Variants in CSMD1 observed in about 807,000 individuals in gnomAD.
CSMD1 encodes CUB and sushi domain-containing protein 1.
CSMD1 carries 213 observed loss-of-function variants against 417.5 expected under a neutral mutation model. The observed-to-expected ratio is 0.51, with a 90% confidence interval of 0.46 to 0.57. The LOEUF is 0.57. Ranked by LOEUF, CSMD1 falls within the 20% of genes least tolerant of loss-of-function variation. The pLI is 0.00. For missense variants in CSMD1, 6,923 were observed against 4,529.7 expected (o/e 1.53, Z -15.17); for synonymous variants, 2,862 against 1,736.8 (o/e 1.65, Z -16.11).
At chr8:4,019,257 A>C (rs1796669495) in intron 4 of CSMD1, among the ~76,000 whole-genome samples, 1 of 152,202 alleles carries the variant, frequency 6.6e-6, no homozygotes, top group Admixed American at 6.5e-5. Context: ...TCTCTCTTAC[A>C]GACTAAGAGT....
At chr8:4,307,649 G>A (rs976965835) in intron 3 of CSMD1, among the ~76,000 whole-genome samples, 1 of 152,120 alleles carries the variant, frequency 6.6e-6, no homozygotes, top group Non-Finnish European at 1.5e-5. Context: ...TCTCAAGGAC[G>A]ATGGGAAATG....
intron 3 of CSMD1, among the ~76,000 whole-genome samples, chr8:4,085,895 G>C (rs182418660): frequency 6.6e-6 from 1 of 152,164 alleles, no homozygotes; most frequent in East Asian, 1.9e-4. Context: ...CTCTAGTTTT[G>C]TGAGATGTTA....
chr8:3,281,235 G>A (rs1802712434), intron 26 of CSMD1, among the ~76,000 whole-genome samples: 3 of 152,134 alleles, frequency 2.0e-5, no homozygotes, highest in African/African-American at 7.2e-5. Flanking sequence ...CTGAGGTAAG[G>A]AGTTTGACAC....
chr8:3,435,179 G>T (rs913927028), intron 12 of CSMD1, among the ~76,000 whole-genome samples: 1 of 152,122 alleles, frequency 6.6e-6, no homozygotes, highest in Admixed American at 6.5e-5. Context: ...GAAGTCAGAG[G>T]GCAAAAAAGC....
At chr8:4,585,891 T>A (rs1436763242) in intron 2 of CSMD1, among the ~76,000 whole-genome samples, 1 of 152,170 alleles carries the variant, frequency 6.6e-6, no homozygotes, top group Non-Finnish European at 1.5e-5. Flanking sequence ...TAAACAGCAA[T>A]ACAAAATGTA....
intron 7 of CSMD1, among the ~76,000 whole-genome samples, chr8:3,623,259 T>C (rs914248440): frequency 6.6e-6 from 1 of 152,238 alleles, no homozygotes; most frequent in Non-Finnish European, 1.5e-5. Context: ...CAAAACCTTG[T>C]GACTCTGCAG....
intron 10 of CSMD1, among the ~76,000 whole-genome samples, chr8:3,523,795 A>ACACACACATGCT (rs1797622026): frequency 1.3e-5 from 2 of 151,822 alleles, no homozygotes; most frequent in African/African-American, 4.8e-5. Context: ...AGACATATGC[A>ACACACACATGCT]CACATGTGCA....
rs1796906527 is a variant in CSMD1, at chr8:4,023,717, G to A, written c.610+8188C>T. Among the ~76,000 whole-genome samples, 3 of 146,384 alleles carry A rather than the reference G, an allele frequency of 2.0e-5. No homozygotes were observed. In the South Asian group the frequency reaches 6.6e-4, roughly 32 times the overall value. ...TTCTCCTGCCTCAGCCTCCCGAGTAGCTGGGACTACAAGCGCCCACCGCTA... is the reference window on the plus strand; with the variant it reads ...TTCTCCTGCCTCAGCCTCCCGAGTAACTGGGACTACAAGCGCCCACCGCTA... On this transcript the variant is annotated intron_variant, in intron 4 of 69. Coordinates refer to ENST00000635120, the MANE Select transcript of CSMD1 (RefSeq NM_033225.6).
rs559619466 is a variant in CSMD1, at chr8:4,266,273, T to C, written c.415+153680A>G. Among the ~76,000 whole-genome samples, 520 of 105,150 alleles carry C rather than the reference T, an allele frequency of 4.9e-3. 74 individuals are homozygous for C. Among genetic ancestry groups the C allele is most frequent in the African/African-American group, 0.013 (498 of 38,500 alleles). The allele number at this position is 105,150 out of a possible 152,430, so 69.0% of individuals were successfully genotyped here. Reference sequence around the variant, plus strand: ...TTTAAAAATTTAATACCAAAGAAAATTTTATAAATTTTTGTTTTCTATGTA... The same window carrying C: ...TTTAAAAATTTAATACCAAAGAAAACTTTATAAATTTTTGTTTTCTATGTA... On this transcript the variant is annotated intron_variant, in intron 3 of 69. Transcript: ENST00000635120.
intron 3 of CSMD1, among the ~76,000 whole-genome samples, chr8:4,194,814 C>G (rs1018824989): frequency 1.3e-5 from 2 of 151,678 alleles, no homozygotes; most frequent in Non-Finnish European, 2.9e-5. Flanking sequence ...ACTATGAGTT[C>G]TGCAAAGAAA....
intron 5 of CSMD1, among the ~76,000 whole-genome samples, chr8:3,953,748 C>G (rs932716229): frequency 1.3e-5 from 2 of 152,120 alleles, no homozygotes; most frequent in African/African-American, 2.4e-5. Context: ...AGCCCCTGAG[C>G]TGCTCCACGT....
At chr8:4,501,650 C>T (rs1170550905) in intron 2 of CSMD1, among the ~76,000 whole-genome samples, 1 of 152,158 alleles carries the variant, frequency 6.6e-6, no homozygotes, top group Non-Finnish European at 1.5e-5. Flanking sequence ...CGCCATCCCA[C>T]TCCATCCCAG....
chr8:3,343,484 C>A (rs1366002931), intron 22 of CSMD1, 34 bp from the exon 23 acceptor site: 2 of 1,585,776 alleles, frequency 1.3e-6, no homozygotes, highest in Non-Finnish European at 1.7e-6. Flanking sequence ...TCCCTCTATG[C>A]CTTCACTGGA....
Position 4,260,001 on chromosome 8 carries a change from A to G in CSMD1, c.415+159952T>C, listed in dbSNP as rs144141463. Among the ~76,000 whole-genome samples the G allele has an allele frequency of 9.7e-3, 1,435 of 147,592 alleles. 12 individuals carry two copies. The highest frequency in any genetic ancestry group is 0.024 in the South Asian group (106 of 4,508). Reference sequence around the variant, plus strand: ...TGATAACAGACCTATAAAGCACATCAGTTAACATGTCTTCTTGTGCACACT... The same window carrying G: ...TGATAACAGACCTATAAAGCACATCGGTTAACATGTCTTCTTGTGCACACT... On this transcript the variant is annotated intron_variant, in intron 3 of 69. Transcript: ENST00000635120.
At chr8:4,983,717 C>A (rs2924725) in intron 1 of CSMD1, among the ~76,000 whole-genome samples, 3 of 151,424 alleles carry the variant, frequency 2.0e-5, no homozygotes, top group African/African-American at 7.3e-5. Flanking sequence ...TTGGTAGAGA[C>A]GGGGAAGAAC....
chr8:3,668,976 C>T (rs528787489), intron 7 of CSMD1, among the ~76,000 whole-genome samples: 1 of 152,244 alleles, frequency 6.6e-6, no homozygotes, highest in Non-Finnish European at 1.5e-5. Flanking sequence ...ATTGAGCAAC[C>T]AGGTTAGCCT....
chr8:3,341,766 G>C (rs1043457074), intron 23 of CSMD1, among the ~76,000 whole-genome samples: 1 of 152,186 alleles, frequency 6.6e-6, no homozygotes, highest in Admixed American at 6.5e-5. Context: ...CCCGTAATTA[G>C]ACAAAATTTA....
intron 5 of CSMD1, among the ~76,000 whole-genome samples, chr8:3,936,761 G>A (rs1053045549): frequency 2.6e-5 from 4 of 152,110 alleles, no homozygotes; most frequent in Non-Finnish European, 4.4e-5. Context: ...TGCAGCCCAA[G>A]AAACACGAAA....
chr8:4,437,365 T>G (rs75247920), intron 2 of CSMD1, among the ~76,000 whole-genome samples: 1 of 152,126 alleles, frequency 6.6e-6, no homozygotes, highest in Non-Finnish European at 1.5e-5. Context: ...ATTGCTAACA[T>G]CCTTGTATGT....
Sources: gnomAD v4.1 joint callset for allele counts (sites outside exome capture counted in the v4.1 genomes callset) on GRCh38, gnomAD v4.1.1 for gene constraint, MANE v1.5 for transcripts, NCBI Gene and HGNC (gene_info 2026-07-23, HGNC 2026-07-21) for gene names.